LNX2: variants seen among roughly 807,000 people sequenced by gnomAD.
The protein encoded by LNX2 is ligand of numb-protein X 2.
Under a neutral mutation model 66.2 loss-of-function variants are expected in LNX2, and 35 were observed. The observed-to-expected ratio is 0.53, with a 90% CI of 0.40 to 0.70. The LOEUF is 0.70. Among genes scored for constraint, LNX2 ranks in the 30% least tolerant of loss-of-function variants. The pLI is 0.00. For synonymous variants in LNX2, 337 were observed against 315.6 expected (o/e 1.07, Z -0.72); for missense variants, 791 against 850.8 (o/e 0.93, Z 0.87).
intron 1 of LNX2, among the ~76,000 whole-genome samples, chr13:27,604,292 TG>T (rs901685589): frequency 6.6e-4 from 100 of 152,362 alleles, no homozygotes; most frequent in African/African-American, 2.3e-3. Context: ...TGCTATGCTA[TG>T]GTACCCTCTC....
intron 1 of LNX2, among the ~76,000 whole-genome samples, chr13:27,592,931 C>T (rs887295613): frequency 1.3e-5 from 2 of 152,138 alleles, no homozygotes; most frequent in Non-Finnish European, 2.9e-5. Flanking sequence ...TTGGTGGAGA[C>T]AGCAGAAGCC....
chr13:27,587,028 T>C (rs1357886904), intron 1 of LNX2, among the ~76,000 whole-genome samples: 4 of 152,208 alleles, frequency 2.6e-5, no homozygotes, highest in Non-Finnish European at 5.9e-5. Flanking sequence ...AAACTATGTA[T>C]TATTCAGTTC....
At chr13:27,571,515 G>A (rs1955279651) in intron 2 of LNX2, among the ~76,000 whole-genome samples, 1 of 152,236 alleles carries the variant, frequency 6.6e-6, no homozygotes. Context: ...GCTGTTAATG[G>A]GTATTGGGTT....
At chr13:27,570,624 G>GA (rs1432149451) in intron 2 of LNX2, among the ~76,000 whole-genome samples, 2 of 152,104 alleles carry the variant, frequency 1.3e-5, no homozygotes, top group South Asian at 4.1e-4. Context: ...ATTAGATCAT[G>GA]AAAAAAATTA....
chr13:27,567,214 TTAG>T (rs1459854274), intron 4 of LNX2, among the ~76,000 whole-genome samples: 1 of 152,086 alleles, frequency 6.6e-6, no homozygotes, highest in Non-Finnish European at 1.5e-5. Context: ...TTTCTAGATT[TTAG>T]TAGTCTGTAT....
intron 2 of LNX2, among the ~76,000 whole-genome samples, chr13:27,573,470 T>C (rs1955307499): frequency 6.6e-6 from 1 of 150,786 alleles, no homozygotes; most frequent in African/African-American, 2.4e-5. Context: ...TCAGAGGTCA[T>C]TGCTGAAGAT....
At chr13:27,616,061 G>A (rs1365681552) in intron 1 of LNX2, among the ~76,000 whole-genome samples, 5 of 151,886 alleles carry the variant, frequency 3.3e-5, no homozygotes, top group South Asian at 2.1e-4. Flanking sequence ...CAAGATGGTA[G>A]GGGTGCAGCT....
intron 1 of LNX2, among the ~76,000 whole-genome samples, chr13:27,618,336 C>G (rs943691890): frequency 6.6e-6 from 1 of 152,180 alleles, no homozygotes; most frequent in African/African-American, 2.4e-5. Context: ...TTCTATCCCC[C>G]AAACTCTGAG....
At chr13:27,560,565 G>GTGTATATATA (rs35007288) in intron 5 of LNX2, among the ~76,000 whole-genome samples, 47 of 120,014 alleles carry the variant, frequency 3.9e-4, no homozygotes, top group Admixed American at 8.8e-4. Context: ...ATGTATGTGT[G>GTGTATATATA]TATATATATA....
At chr13:27,560,559 A>ATGTG (rs778221637) in intron 5 of LNX2, among the ~76,000 whole-genome samples, 15 of 132,570 alleles carry the variant, frequency 1.1e-4, no homozygotes, top group African/African-American at 3.3e-4. Flanking sequence ...CTTTATATGT[A>ATGTG]TGTGTGTATA....
At chr13:27,602,364 C>T (rs1214706281) in intron 1 of LNX2, among the ~76,000 whole-genome samples, 2 of 152,124 alleles carry the variant, frequency 1.3e-5, no homozygotes, top group Admixed American at 6.5e-5. Flanking sequence ...ATGCCCTTCC[C>T]AGCCAATCTC....
At position 27,583,217 on chromosome 13, in the gene LNX2, T is replaced by TCCTCTCCAATATAA. The variant is rs1566124716; in HGVS notation, c.-100-1415_-100-1414insTTATATTGGAGAGG. Among the ~76,000 whole-genome samples, 2 of 21,020 alleles carry TCCTCTCCAATATAA rather than the reference T, an allele frequency of 9.5e-5. 1 individual carries two copies. Among genetic ancestry groups the TCCTCTCCAATATAA allele is most frequent in the East Asian group, 2.6e-3 (2 of 776 alleles). 13.8% of individuals were successfully genotyped at this position (21,020 alleles called of 152,430 possible). On this transcript the variant is annotated intron_variant, in intron 1 of 9. Transcript: ENST00000316334. ...GTGTGTGTGTGTGTGTGTGTGTGTG[T>TCCTCTCCAATATAA]GTGTGTGTGTGTGTGTGTGTGTGTG...
chr13:27,559,662 C>T (rs1401025828), intron 6 of LNX2, among the ~76,000 whole-genome samples, 180 bp downstream of exon 6: 3 of 152,144 alleles, frequency 2.0e-5, no homozygotes, highest in Non-Finnish European at 4.4e-5. Flanking sequence ...AAAACATATA[C>T]ATTTCATATT....
intron 1 of LNX2, among the ~76,000 whole-genome samples, chr13:27,586,059 T>C (rs1193113588): frequency 1.3e-5 from 2 of 148,668 alleles, no homozygotes; most frequent in South Asian, 4.2e-4. Context: ...TATACTTATA[T>C]ATATAAGGCA....
chr13:27,606,506 A>C, intron 1 of LNX2, among the ~76,000 whole-genome samples: 1 of 152,160 alleles, frequency 6.6e-6, no homozygotes, highest in East Asian at 1.9e-4. Flanking sequence ...GGGATCAGCA[A>C]ACGAAAGGTG....
At chr13:27,564,965 T>C (rs767589383) in intron 4 of LNX2, among the ~76,000 whole-genome samples, 1 of 152,216 alleles carries the variant, frequency 6.6e-6, no homozygotes, top group Non-Finnish European at 1.5e-5. Flanking sequence ...GGGCCTATAA[T>C]AGGAGAGACC....
At position 27,562,770 on chromosome 13, in the gene LNX2, G is replaced by A; in HGVS notation, c.867C>T (p.Tyr289=). ...AGDQILQVNN[Y]NISNVSHNYA... ...AGTTATGGGACACATTGCTGATATT[G>A]TAGTTGTTGACCTAGAAAAAAAGAA... The change falls in exon 5 of 10, where the codon TAC becomes TAT. Residue 289 remains tyrosine, a synonymous_variant. Coordinates refer to ENST00000316334, the MANE Select transcript of LNX2 (RefSeq NM_153371.4). 6.2e-7 allele frequency: 1 copy of A among 1,603,032 alleles called. No homozygotes were observed. Among genetic ancestry groups the A allele is most frequent in the South Asian group, 1.1e-5 (1 of 89,946 alleles).
Position 27,548,490 on chromosome 13 carries a change from T to C in LNX2, c.1938-20A>G, listed in dbSNP as rs760567402. 4 of 1,595,576 alleles carry C rather than the reference T, an allele frequency of 2.5e-6. No homozygotes were observed. The highest frequency in any genetic ancestry group is 3.4e-6 in the Non-Finnish European group (4 of 1,173,384). ...CCACACCTGGACAAAGAGAGACAGA[T>C]ACAGAATGTTACTATTTTCATGGTA... On this transcript the variant is annotated intron_variant, in intron 9 of 9. Coordinates refer to ENST00000316334, the MANE Select transcript of LNX2 (RefSeq NM_153371.4).
Position 27,562,515 on chromosome 13 carries a change from C to G in LNX2, c.1122G>C (p.Leu374Phe). ...VFILDLLEGG[L>F]AAQDGRLSSN... ...TGCTTAGCCTGCCGTCCTGGGCAGCCAACCCCCCTTCCAACAGGTCAAGAA... is the reference window on the plus strand; with the variant it reads ...TGCTTAGCCTGCCGTCCTGGGCAGCGAACCCCCCTTCCAACAGGTCAAGAA... The change falls in exon 5 of 10, where the codon TTG becomes TTC. Residue 374 changes from leucine (L) to phenylalanine (F), a missense_variant. Transcript: ENST00000316334. The G allele has an allele frequency of 6.2e-7, 1 of 1,614,178 alleles. No homozygotes were observed. Among genetic ancestry groups the G allele is most frequent in the Non-Finnish European group, 8.5e-7 (1 of 1,180,020 alleles).
Sources: gnomAD v4.1 joint callset for allele counts (sites outside exome capture counted in the v4.1 genomes callset) on GRCh38, gnomAD v4.1.1 for gene constraint, MANE v1.5 for transcripts, NCBI Gene and HGNC (gene_info 2026-07-23, HGNC 2026-07-21) for gene names.